Variants in ADI1 observed in about 807,000 individuals in gnomAD.
The protein encoded by ADI1 is acireductone dioxygenase.
In ADI1, 21 loss-of-function variants were observed where a neutral mutation model predicts 18.7. The ratio of observed to expected loss-of-function variants is 1.13; its 90% CI spans 0.80 to 1.62. ADI1 has a LOEUF of 1.62. Among genes scored for constraint, ADI1 ranks in the 40% most tolerant of loss-of-function variants. ADI1 has a pLI of 0.00. For synonymous variants in ADI1, 90 were observed against 100.1 expected (o/e 0.90, Z 0.60); for missense variants, 245 against 254.9 (o/e 0.96, Z 0.26).
At chr2:3,512,320 AG>A (rs1343969719) in intron 2 of ADI1, among the ~76,000 whole-genome samples, 1 of 152,252 alleles carries the variant, frequency 6.6e-6, no homozygotes, top group Admixed American at 6.5e-5. Flanking sequence ...AACACAGCCA[AG>A]GCAATGGGGA....
At chr2:3,518,647 C>A (rs1195832416) in intron 1 of ADI1, among the ~76,000 whole-genome samples, 1 of 151,382 alleles carries the variant, frequency 6.6e-6, no homozygotes. Flanking sequence ...CCCCGGGGAT[C>A]CCCGACAGAC....
chr2:3,503,725 G>C (rs1465051117), intron 2 of ADI1, among the ~76,000 whole-genome samples: 3 of 152,300 alleles, frequency 2.0e-5, no homozygotes, highest in African/African-American at 7.2e-5. Flanking sequence ...ACACGCTGTA[G>C]GTCCAGAAAG....
rs570851825 is a variant in ADI1, at chr2:3,511,093, A to G, written c.240+2764T>C. ...GGAATGGATTTCTCATGAATGGTTC[A>G]GCGCCACTCCCTTGGTGCTGTCTTC... On this transcript the variant is annotated intron_variant, in intron 2 of 3. Coordinates refer to ENST00000327435, the MANE Select transcript of ADI1 (RefSeq NM_018269.4). Among the ~76,000 whole-genome samples the G allele has an allele frequency of 2.6e-5, 4 of 152,354 alleles. No homozygotes were observed. The South Asian group carries it at 6.2e-4, about 24-fold the overall frequency.
chr2:3,515,267 T>G (rs1667374506), intron 1 of ADI1: 1 of 157,150 alleles, frequency 6.4e-6, no homozygotes. Flanking sequence ...ATATTAATAC[T>G]CTGGGGAAGG....
chr2:3,503,047 A>T (rs1483895725), intron 2 of ADI1, among the ~76,000 whole-genome samples: 6 of 152,092 alleles, frequency 3.9e-5, no homozygotes, highest in Admixed American at 2.0e-4. Context: ...ACTACTTGTC[A>T]CACACACAGG....
chr2:3,500,288 G>C (rs4411730), intron 3 of ADI1, among the ~76,000 whole-genome samples: 1 of 151,982 alleles, frequency 6.6e-6, no homozygotes, highest in Admixed American at 6.6e-5. Context: ...CCTTAAATCA[G>C]CATTACCCCA....
chr2:3,516,724 AG>A (rs1316601106), intron 1 of ADI1: 5 of 984,618 alleles, frequency 5.1e-6, no homozygotes, highest in Non-Finnish European at 6.0e-6. Context: ...GCAGGTATTT[AG>A]TTTATTCCAA....
Position 3,516,800 on chromosome 2 carries a change from A to G in ADI1, c.120+2568T>C, listed in dbSNP as rs754009828. 3.0e-6 allele frequency: 3 copies of G among 985,350 alleles called. No individual in the cohort carries two copies. In the East Asian group the frequency reaches 3.4e-4, roughly 112 times the overall value. The allele number at this position is 985,350 out of a possible 1,614,324, so 61.0% of individuals were successfully genotyped here. On this transcript the variant is annotated intron_variant, in intron 1 of 3. Transcript: ENST00000327435. ...GGTTTTTTAGAACTCTATGTCACTA[A>G]TAACAGATTGATTAAACAGATACAC...
intron 2 of ADI1, among the ~76,000 whole-genome samples, chr2:3,502,346 T>A (rs1163639826): frequency 6.6e-6 from 1 of 152,078 alleles, no homozygotes; most frequent in Admixed American, 6.6e-5. Flanking sequence ...TGTTATGTGT[T>A]ACAAAATCAT....
chr2:3,499,002 G>A lies in ADI1; in HGVS notation c.501C>T (p.Ala167=), dbSNP rs760904872. The A allele has an allele frequency of 5.0e-6, 8 of 1,613,966 alleles. No homozygotes were observed. Among genetic ancestry groups the A allele is most frequent in the Non-Finnish European group, 6.8e-6 (8 of 1,179,844 alleles). ...AYNRPADHFE[A]RGQYVKFLAQ... The stretch of plus-strand genomic sequence containing the variant: ...CCAGAAATTTCACGTACTGCCCGCG[G>A]GCTTCAAAATGGTCAGCGGGCCGGT... The change falls in exon 4 of 4, where the codon GCC becomes GCT. Residue 167 remains alanine (A), a synonymous_variant. Coordinates refer to ENST00000327435, the MANE Select transcript of ADI1 (RefSeq NM_018269.4).
intron 1 of ADI1, chr2:3,515,065 CA>C: frequency 2.2e-6 from 1 of 445,938 alleles, no homozygotes; most frequent in South Asian, 3.9e-5. Flanking sequence ...TGTGTTTGAA[CA>C]ATATGAAATC....
chr2:3,518,438 T>C (rs1667454825), intron 1 of ADI1, among the ~76,000 whole-genome samples: 1 of 152,224 alleles, frequency 6.6e-6, no homozygotes, highest in African/African-American at 2.4e-5. Context: ...AAACCTTTGT[T>C]ACTGCAAAAC....
At chr2:3,500,502 G>C in intron 3 of ADI1, 5 of 283,562 alleles carry the variant, frequency 1.8e-5, no homozygotes, top group South Asian at 1.1e-4. Context: ...GGCTGGGGCA[G>C]GGCCAGGCTC....
At chr2:3,508,324 G>A (rs1407877804) in intron 2 of ADI1, among the ~76,000 whole-genome samples, 1 of 96,650 alleles carries the variant, frequency 1.0e-5, no homozygotes, top group African/African-American at 4.0e-5. Context: ...AACAGAGTGA[G>A]ACTCTGTCTC....
chr2:3,504,346 A>G (rs1345913941), intron 2 of ADI1, among the ~76,000 whole-genome samples: 2 of 152,218 alleles, frequency 1.3e-5, no homozygotes, highest in African/African-American at 4.8e-5. Context: ...ACCAGGAGAG[A>G]AGTAATTCCA....
chr2:3,515,624 G>T (rs1039092633), intron 1 of ADI1: 2 of 152,060 alleles, frequency 1.3e-5, no homozygotes, highest in Admixed American at 1.3e-4. Flanking sequence ...ATCTTTGTTA[G>T]ACCCTTATTA....
In ADI1 at chr2:3,500,800, C is replaced by T. The variant is rs1439560960; in HGVS notation, c.420+14G>A. ...ACACAGGCCGGGCCTGGGGAGAAAGCACAGCACTCCCACCTTCTCGTCCAC... is the reference window on the plus strand; with the variant it reads ...ACACAGGCCGGGCCTGGGGAGAAAGTACAGCACTCCCACCTTCTCGTCCAC... On this transcript the variant is annotated intron_variant, in intron 3 of 3. Transcript: ENST00000327435. 6 of 1,613,248 alleles carry T rather than the reference C, an allele frequency of 3.7e-6. No individual in the cohort carries two copies. The highest frequency in any genetic ancestry group is 5.1e-6 in the Non-Finnish European group (6 of 1,179,548).
intron 1 of ADI1, chr2:3,514,724 G>T (rs1333193098): frequency 2.0e-6 from 3 of 1,504,188 alleles, no homozygotes; most frequent in Non-Finnish European, 2.7e-6. Context: ...GAATTCATCT[G>T]AACTCTTATT....
chr2:3,509,281 T>A (rs1441290987), intron 2 of ADI1, among the ~76,000 whole-genome samples: 1 of 151,846 alleles, frequency 6.6e-6, no homozygotes, highest in Admixed American at 6.6e-5. Context: ...AAGCAGAAAA[T>A]CAGTAAAGAT....
Sources: gnomAD v4.1 joint callset for allele counts (sites outside exome capture counted in the v4.1 genomes callset) on GRCh38, gnomAD v4.1.1 for gene constraint, MANE v1.5 for transcripts, NCBI Gene and HGNC (gene_info 2026-07-23, HGNC 2026-07-21) for gene names.